RABGAP1L: variants seen among roughly 807,000 people sequenced by gnomAD.
RABGAP1L encodes RAB GTPase activating protein 1 like.
In RABGAP1L, 63 loss-of-function variants were observed where a neutral mutation model predicts 137.7. That is an observed-to-expected ratio of 0.46 (90% CI 0.37 to 0.56). The LOEUF is 0.56. Among genes scored for constraint, RABGAP1L ranks in the 20% least tolerant of loss-of-function variants. The pLI is 0.00. For missense variants in RABGAP1L, 1,095 were observed against 1,244.0 expected (o/e 0.88, Z 1.80); for synonymous variants, 431 against 433.7 (o/e 0.99, Z 0.08).
chr1:174,603,057 G>A (rs1341692369), intron 13 of RABGAP1L, among the ~76,000 whole-genome samples: 1 of 152,076 alleles, frequency 6.6e-6, no homozygotes, highest in Non-Finnish European at 1.5e-5. Flanking sequence ...TTTATTGTTT[G>A]CAGCCTGGGC....
At chr1:174,344,649 T>C (rs1362689952) in intron 11 of RABGAP1L, among the ~76,000 whole-genome samples, 1 of 152,232 alleles carries the variant, frequency 6.6e-6, no homozygotes, top group Non-Finnish European at 1.5e-5. Context: ...CTATAATACC[T>C]TGTGAGTGCA....
chr1:174,774,253 T>G (rs1228218460), intron 18 of RABGAP1L, among the ~76,000 whole-genome samples: 1 of 152,290 alleles, frequency 6.6e-6, no homozygotes, highest in Non-Finnish European at 1.5e-5. Context: ...CTAAATGAAT[T>G]TAGAATAAAG....
chr1:174,986,214 C>T (rs933488172), intron 24 of RABGAP1L, among the ~76,000 whole-genome samples: 1 of 139,790 alleles, frequency 7.2e-6, no homozygotes, highest in Non-Finnish European at 1.5e-5. Flanking sequence ...TCCCAAAGTG[C>T]TGGGATTAAC....
intron 14 of RABGAP1L, among the ~76,000 whole-genome samples, chr1:174,670,844 A>G (rs1339530919): frequency 6.6e-6 from 1 of 152,148 alleles, no homozygotes; most frequent in Non-Finnish European, 1.5e-5. Context: ...GAACAGTGCT[A>G]TAACAAACAT....
chr1:174,343,567 A>AT (rs933958387), intron 11 of RABGAP1L, among the ~76,000 whole-genome samples: 3 of 152,142 alleles, frequency 2.0e-5, no homozygotes, highest in African/African-American at 7.2e-5. Flanking sequence ...AATACATTTG[A>AT]TTTTTTAGGT....
intron 11 of RABGAP1L, among the ~76,000 whole-genome samples, chr1:174,366,778 G>GAA (rs71117562): frequency 0.012 from 1,121 of 94,736 alleles, 27 homozygotes; most frequent in Non-Finnish European, 0.02. Flanking sequence ...CCGTCTCCAG[G>GAA]AAAAAAAAAA....
intron 1 of RABGAP1L, among the ~76,000 whole-genome samples, chr1:174,201,204 C>T (rs1004408179): frequency 5.9e-5 from 9 of 151,966 alleles, no homozygotes; most frequent in East Asian, 1.9e-4. Context: ...AGTAATCCGT[C>T]GCAGGCTCCC....
chr1:174,526,518 A>G (rs1466915685), intron 13 of RABGAP1L, among the ~76,000 whole-genome samples: 1 of 151,986 alleles, frequency 6.6e-6, no homozygotes, highest in Admixed American at 6.6e-5. Context: ...AGTTCTCGTT[A>G]CTGGTCTTTT....
intron 19 of RABGAP1L, among the ~76,000 whole-genome samples, chr1:174,831,940 G>A (rs1320341003): frequency 6.8e-6 from 1 of 147,810 alleles, no homozygotes; most frequent in African/African-American, 2.5e-5. Context: ...GAACAATGCG[G>A]TGGAAACAAG....
chr1:174,255,652 G>A (rs945004556), intron 7 of RABGAP1L, among the ~76,000 whole-genome samples: 2 of 152,116 alleles, frequency 1.3e-5, no homozygotes, highest in African/African-American at 4.8e-5. Flanking sequence ...AGCCTTCTGT[G>A]TAGCTGAGAT....
At chr1:174,334,870 T>C (rs766153797) in intron 11 of RABGAP1L, among the ~76,000 whole-genome samples, 11 of 152,192 alleles carry the variant, frequency 7.2e-5, no homozygotes, top group Non-Finnish European at 1.6e-4. Flanking sequence ...TGAGAAAGAC[T>C]AGAAAAGCAG....
chr1:174,837,708 A>G (rs1279609492), intron 19 of RABGAP1L, among the ~76,000 whole-genome samples: 1 of 152,210 alleles, frequency 6.6e-6, no homozygotes, highest in Non-Finnish European at 1.5e-5. Context: ...TCTAAAACAA[A>G]AGGAGTTTAT....
intron 11 of RABGAP1L, among the ~76,000 whole-genome samples, chr1:174,326,816 T>C (rs1042132193): frequency 5.3e-5 from 8 of 151,720 alleles, no homozygotes; most frequent in Non-Finnish European, 1.0e-4. Context: ...GAAAAGCAAA[T>C]AACAAATAAG....
intron 19 of RABGAP1L, among the ~76,000 whole-genome samples, chr1:174,828,260 CTTT>C (rs1691783365): frequency 6.8e-6 from 1 of 147,890 alleles, no homozygotes; most frequent in Non-Finnish European, 1.5e-5. Flanking sequence ...GTCTCTCCGG[CTTT>C]GGTTTCTGTC....
At chr1:174,417,775 T>C (rs1313931673) in intron 13 of RABGAP1L, among the ~76,000 whole-genome samples, 1 of 152,158 alleles carries the variant, frequency 6.6e-6, no homozygotes, top group Non-Finnish European at 1.5e-5. Flanking sequence ...GTGGACTATA[T>C]TGATTTCAAA....
At chr1:174,985,452 G>A (rs747678416) in intron 24 of RABGAP1L, among the ~76,000 whole-genome samples, 1 of 152,158 alleles carries the variant, frequency 6.6e-6, no homozygotes, top group African/African-American at 2.4e-5. Flanking sequence ...TCGCAAACAG[G>A]TAATTCATTT....
At chr1:174,774,226 A>G (rs1257360753) in intron 18 of RABGAP1L, among the ~76,000 whole-genome samples, 1 of 152,182 alleles carries the variant, frequency 6.6e-6, no homozygotes, top group Non-Finnish European at 1.5e-5. Context: ...GACTAAGAGA[A>G]TTTGGTTTTG....
chr1:174,442,670 T>C (rs1353817179), intron 13 of RABGAP1L, among the ~76,000 whole-genome samples: 1 of 152,192 alleles, frequency 6.6e-6, no homozygotes, highest in Non-Finnish European at 1.5e-5. Context: ...CAATGTGTAA[T>C]GATCAAATCA....
intron 13 of RABGAP1L, among the ~76,000 whole-genome samples, chr1:174,510,475 G>A (rs1456307863): frequency 2.0e-5 from 3 of 152,176 alleles, no homozygotes; most frequent in African/African-American, 7.2e-5. Context: ...TGGGTTCTGA[G>A]CAAGAGTCCT....
Sources: gnomAD v4.1 joint callset for allele counts (sites outside exome capture counted in the v4.1 genomes callset) on GRCh38, gnomAD v4.1.1 for gene constraint, MANE v1.5 for transcripts, NCBI Gene and HGNC (gene_info 2026-07-23, HGNC 2026-07-21) for gene names.